FAM161A: variants seen among roughly 807,000 people sequenced by gnomAD.
FAM161A encodes FAM161 centrosomal protein A.
A neutral mutation model predicts 70.9 loss-of-function variants in FAM161A; 57 were observed. That is an observed-to-expected ratio of 0.80 (90% CI 0.65 to 1.00). The LOEUF (loss-of-function observed/expected upper bound fraction) is 1.00, where lower values mean the gene tolerates loss of function less well. FAM161A is among the 50% of genes least tolerant of loss of function. FAM161A has a pLI of 0.00. For missense variants in FAM161A, 880 were observed against 836.0 expected (o/e 1.05, Z -0.65); for synonymous variants, 299 against 295.7 (o/e 1.01, Z -0.12).
At chr2:61,830,984 C>T (rs568755503) in intron 5 of FAM161A, among the ~76,000 whole-genome samples, 64 of 151,656 alleles carry the variant, frequency 4.2e-4, no homozygotes, top group African/African-American at 1.4e-3. Context: ...TGGTGGCACG[C>T]GCCTGTAATC....
chr2:61,813,729 A>G, the FAM161A span, among the ~76,000 whole-genome samples: 3 of 150,372 alleles, frequency 2.0e-5, no homozygotes, highest in Admixed American at 6.6e-5. Flanking sequence ...AAAAAAAAAA[A>G]AAAAAAGAAA....
intron 5 of FAM161A, among the ~76,000 whole-genome samples, chr2:61,828,336 CT>C (rs146880732): frequency 1.4e-4 from 21 of 146,170 alleles, no homozygotes; most frequent in Admixed American, 1.4e-4. Context: ...ATTCTTTTTC[CT>C]TTTTTTTTTG....
intron 1 of FAM161A, chr2:61,846,844 T>C (rs1251934815): frequency 9.2e-6 from 4 of 434,310 alleles, no homozygotes; most frequent in African/African-American, 6.1e-5. Flanking sequence ...CAGTTCGTTT[T>C]AGTAGCAGTG....
Position 61,825,110 on chromosome 2 carries a change from C to T in FAM161A, c.*1345G>A, listed in dbSNP as rs765343041. ...TTTGGAAACACTGCTATTACATACA[C>T]CTGTATTAGTTCATCCTTTTAAAAT... On this transcript the variant is annotated 3_prime_UTR_variant, in exon 7 of 7. Coordinates refer to ENST00000404929, the MANE Select transcript of FAM161A (RefSeq NM_001201543.2). 17 of 452,164 alleles carry T rather than the reference C, an allele frequency of 3.8e-5. No homozygotes were observed. The allele number at this position is 452,164 out of a possible 1,614,324, so 28.0% of individuals were successfully genotyped here.
rs1418018541 is a variant in FAM161A at position 61,825,362 on chromosome 2, C to T, written c.*1093G>A. ...ATCTGAATTACTTTGGAGACTTGCC[C>T]TAGCCAAGTTATTATGCACAATTTC... is the stretch of plus-strand genomic sequence containing the variant. On this transcript the variant is annotated 3_prime_UTR_variant, in exon 7 of 7. Transcript: ENST00000404929. 2 of 454,114 alleles carry T rather than the reference C, an allele frequency of 4.4e-6. No homozygotes were observed. The highest frequency in any genetic ancestry group is 4.7e-5 in the Admixed American group (2 of 42,536). 28.1% of individuals were successfully genotyped at this position (454,114 alleles called of 1,614,324 possible).
intron 1 of FAM161A, among the ~76,000 whole-genome samples, chr2:61,843,480 T>C (rs1458902279): frequency 6.6e-6 from 1 of 152,196 alleles, no homozygotes; most frequent in Non-Finnish European, 1.5e-5. Context: ...ATTTTCTCCA[T>C]AAATATAAAA....
At chr2:61,809,126 G>T in the FAM161A span, among the ~76,000 whole-genome samples, 2 of 152,138 alleles carry the variant, frequency 1.3e-5, no homozygotes, top group Admixed American at 1.3e-4. Context: ...ACCCACCTCA[G>T]CCTCCCAAAG....
At chr2:61,808,644 G>A in the FAM161A span, among the ~76,000 whole-genome samples, 33 of 152,122 alleles carry the variant, frequency 2.2e-4, no homozygotes, top group African/African-American at 7.5e-4. Context: ...ATAGAATACA[G>A]TATTCAGGAA....
chr2:61,836,187 T>A, intron 4 of FAM161A, 78 bp from the exon 5 acceptor site: 1 of 1,003,702 alleles, frequency 1.0e-6, no homozygotes, highest in Non-Finnish European at 1.5e-6. Flanking sequence ...ATTTAACTTA[T>A]CAACTTGTAC....
chr2:61,845,011 C>T (rs890348232), intron 1 of FAM161A, among the ~76,000 whole-genome samples: 1 of 152,142 alleles, frequency 6.6e-6, no homozygotes, highest in Non-Finnish European at 1.5e-5. Context: ...GAACATCCAT[C>T]GCCAGGAAAC....
chr2:61,802,967 C>T, the FAM161A span, among the ~76,000 whole-genome samples: 7 of 152,142 alleles, frequency 4.6e-5, no homozygotes, highest in Non-Finnish European at 7.4e-5. Context: ...TAGCTTAAAA[C>T]AATAGCCAAG....
chr2:61,842,119 T>G lies in FAM161A; in HGVS notation c.422+3A>C. The G allele has an allele frequency of 6.6e-7, 1 of 1,504,574 alleles. No individual in the cohort carries two copies. Among genetic ancestry groups the G allele is most frequent in the Middle Eastern group, 1.7e-4 (1 of 5,856 alleles). The allele number at this position is 1,504,574 out of a possible 1,614,324, so 93.2% of individuals were successfully genotyped here. A position where few individuals can be genotyped will look rare whatever the true frequency, so the allele number is the denominator to read the frequency against. On this transcript the variant is annotated splice_donor_region_variant and intron_variant, in intron 2 of 6. Coordinates refer to ENST00000404929, the MANE Select transcript of FAM161A (RefSeq NM_001201543.2). The stretch of plus-strand genomic sequence containing the variant: ...CACAAATAACATTGAGTTACAAGCT[T>G]ACCTGGAAGAGTCACTAAGAGAGTC...
intron 5 of FAM161A, among the ~76,000 whole-genome samples, chr2:61,832,072 C>T (rs1389722092): frequency 6.6e-6 from 1 of 151,938 alleles, no homozygotes; most frequent in African/African-American, 2.4e-5. Context: ...AGTAACACCC[C>T]TGTCTTTACA....
the FAM161A span, among the ~76,000 whole-genome samples, chr2:61,812,638 C>T: frequency 4.6e-5 from 7 of 152,282 alleles, no homozygotes; most frequent in Admixed American, 1.3e-4. Flanking sequence ...AGGAGAATCA[C>T]TTGAACCTGG....
chr2:61,831,368 G>A (rs1428123816), intron 5 of FAM161A, among the ~76,000 whole-genome samples: 1 of 151,720 alleles, frequency 6.6e-6, no homozygotes, highest in Non-Finnish European at 1.5e-5. Context: ...CCCTGGAATT[G>A]AGGTTAACAG....
In FAM161A at chr2:61,840,109, A is replaced by T; in HGVS notation, c.895T>A (p.Leu299Ile). 6.2e-7 allele frequency: 1 copy of T among 1,614,146 alleles called. No individual in the cohort carries two copies. The highest frequency in any genetic ancestry group is 8.5e-7 in the Non-Finnish European group (1 of 1,180,034). ...ASVFLPLYHD[L>I]VKQKEERRRS... ...CTCCGTTCTTCTTTTTGCTTGACTA[A>T]ATCATGGTAAAGGGGGAGAAAGACA... is the stretch of plus-strand genomic sequence containing the variant. The change falls in exon 3 of 7, where the codon TTA becomes ATA. Residue 299 changes from leucine to isoleucine, a missense_variant. Physicochemically the swap from Leu to Ile is conservative, Grantham distance 5. Coordinates refer to ENST00000404929, the MANE Select transcript of FAM161A (RefSeq NM_001201543.2).
chr2:61,838,877 TTTATTTA>T (rs1672877191), intron 3 of FAM161A, among the ~76,000 whole-genome samples, 172 bp from the exon 4 acceptor site: 1 of 143,236 alleles, frequency 7.0e-6, no homozygotes, highest in Non-Finnish European at 1.5e-5. Context: ...TATTTATTTA[TTTATTTA>T]TTTATTTATT....
At chr2:61,803,054 A>G in the FAM161A span, 1 of 228,890 alleles carries the variant, frequency 4.4e-6, no homozygotes, top group South Asian at 8.5e-5. Flanking sequence ...GTCTGAGGGT[A>G]GGCCACCATC....
At chr2:61,827,316 A>G (rs898691958) in intron 5 of FAM161A, 58 bp from the exon 6 acceptor site, 18 of 1,584,204 alleles carry the variant, frequency 1.1e-5, no homozygotes, top group Middle Eastern at 1.7e-4. Flanking sequence ...TTTCATCAAA[A>G]ATGTATAGAT....
Sources: gnomAD v4.1 joint callset for allele counts (sites outside exome capture counted in the v4.1 genomes callset) on GRCh38, gnomAD v4.1.1 for gene constraint, MANE v1.5 for transcripts, NCBI Gene and HGNC (gene_info 2026-07-23, HGNC 2026-07-21) for gene names.